SLC12A7: variants seen among roughly 807,000 people sequenced by gnomAD.
The protein encoded by SLC12A7 is solute carrier family 12 member 7.
In SLC12A7, 100 loss-of-function variants were observed where a neutral mutation model predicts 120.6. The observed-to-expected ratio is 0.83, with a 90% CI of 0.71 to 0.98. The LOEUF is 0.98. Ranked by LOEUF, SLC12A7 falls within the 50% of genes least tolerant of loss-of-function variation. SLC12A7 has a pLI of 0.00. For synonymous variants in SLC12A7, 760 were observed against 678.0 expected (o/e 1.12, Z -1.88); for missense variants, 1,373 against 1,548.1 (o/e 0.89, Z 1.90).
At chr5:1,132,647 C>A in the SLC12A7 span, among the ~76,000 whole-genome samples, 3 of 152,144 alleles carry the variant, frequency 2.0e-5, no homozygotes, top group Non-Finnish European at 4.4e-5. Context: ...ATTCCAGGGC[C>A]AGCTTTCCCC....
chr5:1,133,997 C>G, the SLC12A7 span, among the ~76,000 whole-genome samples: 2 of 152,130 alleles, frequency 1.3e-5, no homozygotes, highest in Non-Finnish European at 2.9e-5. Flanking sequence ...TGCCCACAAG[C>G]CTGCTCAGCC....
At chr5:1,110,598 C>G (rs1024911346) in intron 1 of SLC12A7, among the ~76,000 whole-genome samples, 48 of 152,236 alleles carry the variant, frequency 3.2e-4, no homozygotes, top group African/African-American at 1.0e-3. Flanking sequence ...TGAGTGCGTT[C>G]CGGGGGCGTT....
At chr5:1,090,914 GAGC>G (rs1347051497) in intron 3 of SLC12A7, among the ~76,000 whole-genome samples, 3 of 152,206 alleles carry the variant, frequency 2.0e-5, no homozygotes, top group African/African-American at 7.2e-5. Flanking sequence ...TCCTCAATGG[GAGC>G]AGGTCTGCTG....
At chr5:1,056,702 A>C in intron 22 of SLC12A7, 2 of 452,326 alleles carry the variant, frequency 4.4e-6, no homozygotes, top group Non-Finnish European at 5.8e-6. Context: ...ATCCCACCCC[A>C]CAGGGCCCAG....
At chr5:1,094,935 GGGA>G (rs1740941500) in intron 1 of SLC12A7, among the ~76,000 whole-genome samples, 2 of 150,880 alleles carry the variant, frequency 1.3e-5, no homozygotes, top group South Asian at 4.2e-4. Flanking sequence ...GGAATTGGTG[GGGA>G]GGAGGACTTG....
the SLC12A7 span, among the ~76,000 whole-genome samples, chr5:1,152,788 G>A: frequency 2.0e-5 from 3 of 152,230 alleles, no homozygotes; most frequent in South Asian, 4.2e-4. Flanking sequence ...AGGGATGACC[G>A]ACACGGGGGA....
In SLC12A7 at chr5:1,073,789, C is replaced by T; in HGVS notation, c.2085G>A (p.Leu695=). ...PHTKNWRPQV[L]VMLNLDAEQA... is the part of the protein sequence containing the mutation. ...GCTCCGCGTCCAGGTTCAGCATCAC[C>T]AGCACCTGGGGCCTGCAGCCAGGGT... Residue 695 remains leucine, a synonymous_variant, in exon 17 of 24, where the codon CTG becomes CTA. Transcript: ENST00000264930. 1 of 1,441,988 alleles carries T rather than the reference C, an allele frequency of 6.9e-7. No individual in the cohort carries two copies. 89.3% of individuals were successfully genotyped at this position (1,441,988 alleles called of 1,614,324 possible).
chr5:1,153,156 G>A, the SLC12A7 span, among the ~76,000 whole-genome samples: 2 of 152,204 alleles, frequency 1.3e-5, no homozygotes, highest in African/African-American at 4.8e-5. Flanking sequence ...GCAGCCGCAT[G>A]GCCGTGGGCA....
chr5:1,060,651 GCA>G (rs1455941543), intron 20 of SLC12A7, among the ~76,000 whole-genome samples, 200 bp from the exon 21 acceptor site: 3 of 152,174 alleles, frequency 2.0e-5, no homozygotes, highest in Admixed American at 2.0e-4. Flanking sequence ...CAGTCACGCC[GCA>G]CACACGCTCT....
intron 1 of SLC12A7, among the ~76,000 whole-genome samples, chr5:1,110,110 C>G (rs1742883469): frequency 6.6e-6 from 1 of 152,250 alleles, no homozygotes; most frequent in African/African-American, 2.4e-5. Context: ...CAAGTGGATT[C>G]CGAAGGGCAG....
At chr5:1,102,658 G>A (rs926289454) in intron 1 of SLC12A7, among the ~76,000 whole-genome samples, 1 of 152,272 alleles carries the variant, frequency 6.6e-6, no homozygotes, top group South Asian at 2.1e-4. Context: ...GAGAGGCGCC[G>A]GGCCTGGGGC....
intron 8 of SLC12A7, among the ~76,000 whole-genome samples, chr5:1,083,117 G>C (rs1739395302): frequency 6.7e-6 from 1 of 149,970 alleles, no homozygotes; most frequent in African/African-American, 2.5e-5. Flanking sequence ...GGAAAGTCCG[G>C]GCTTCCCCAT....
Position 1,073,788 on chromosome 5 carries a change from C to A in SLC12A7, c.2086G>T (p.Val696Leu), listed in dbSNP as rs1737996082. 3 of 1,441,846 alleles carry A rather than the reference C, an allele frequency of 2.1e-6. No homozygotes were observed. The highest frequency in any genetic ancestry group is 1.6e-5 in the South Asian group (1 of 63,816). 89.3% of individuals were successfully genotyped at this position (1,441,846 alleles called of 1,614,324 possible). Residue 696 changes from valine to leucine, a missense_variant, in exon 17 of 24, where the codon GTG (valine) becomes TTG (leucine). Transcript: ENST00000264930. Reference sequence around the variant, plus strand: ...TGCTCCGCGTCCAGGTTCAGCATCACCAGCACCTGGGGCCTGCAGCCAGGG... The same window carrying A: ...TGCTCCGCGTCCAGGTTCAGCATCAACAGCACCTGGGGCCTGCAGCCAGGG... ...HTKNWRPQVL[V>L]MLNLDAEQAV...
At chr5:1,098,101 G>C (rs1252805730) in intron 1 of SLC12A7, among the ~76,000 whole-genome samples, 1 of 109,714 alleles carries the variant, frequency 9.1e-6, no homozygotes, top group Non-Finnish European at 1.8e-5. Flanking sequence ...CCAACCCTCT[G>C]CACACCCAGC....
intron 22 of SLC12A7, among the ~76,000 whole-genome samples, chr5:1,056,980 C>T (rs774987464): frequency 2.6e-5 from 4 of 152,244 alleles, no homozygotes; most frequent in Non-Finnish European, 5.9e-5. Context: ...CAAGCCTCCT[C>T]GCCTCCATGG....
intron 1 of SLC12A7, among the ~76,000 whole-genome samples, chr5:1,109,345 G>A (rs1188012929): frequency 1.3e-5 from 2 of 152,166 alleles, no homozygotes; most frequent in South Asian, 2.1e-4. Context: ...CCCTGAAGTC[G>A]GACGAGACGC....
intron 9 of SLC12A7, among the ~76,000 whole-genome samples, chr5:1,080,645 G>A (rs1738944085): frequency 6.6e-6 from 1 of 152,228 alleles, no homozygotes; most frequent in South Asian, 2.1e-4. Flanking sequence ...GAGACAGCCG[G>A]GGGCGTGTGT....
At chr5:1,061,667 A>G (rs1478211004) in intron 20 of SLC12A7, among the ~76,000 whole-genome samples, 4 of 152,232 alleles carry the variant, frequency 2.6e-5, no homozygotes, top group Non-Finnish European at 4.4e-5. Flanking sequence ...ACAGCACACC[A>G]GATCAGGTGC....
intron 3 of SLC12A7, among the ~76,000 whole-genome samples, chr5:1,089,423 T>C (rs1411726229): frequency 6.6e-6 from 1 of 151,790 alleles, no homozygotes; most frequent in East Asian, 1.9e-4. Context: ...GGAAAAGTTA[T>C]GGAAAAAACA....
Sources: allele counts gnomAD v4.1 joint callset (sites outside exome capture counted in the v4.1 genomes callset), GRCh38; gene constraint gnomAD v4.1.1; transcripts MANE v1.5; gene names NCBI Gene and HGNC (gene_info 2026-07-23, HGNC 2026-07-21).